The following PTPN4 variants were observed in gnomAD, a reference collection of about 807,000 sequenced individuals.
The protein encoded by PTPN4 is protein tyrosine phosphatase non-receptor type 4.
In PTPN4, 49 loss-of-function variants were observed where a neutral mutation model predicts 135.5. The ratio of observed to expected loss-of-function variants is 0.36; its 90% CI spans 0.29 to 0.46. The LOEUF (loss-of-function observed/expected upper bound fraction) is 0.46, where lower values mean the gene tolerates loss of function less well. Ranked by LOEUF, PTPN4 falls within the 20% of genes least tolerant of loss-of-function variation. The pLI is 1.00. For missense variants in PTPN4, 860 were observed against 1,101.0 expected, an observed-to-expected ratio of 0.78 and a Z score of 3.10; for synonymous variants, 333 against 369.9, an observed-to-expected ratio of 0.90 and a Z score of 1.14.
At chr2:119,943,740 C>T (rs1679095106) in intron 15 of PTPN4, among the ~76,000 whole-genome samples, 2 of 151,732 alleles carry the variant, frequency 1.3e-5, no homozygotes, top group Non-Finnish European at 2.9e-5. Flanking sequence ...GCGCCTGCCA[C>T]CATGCCTAGC....
At chr2:119,890,352 C>T (rs1678223435) in intron 9 of PTPN4, among the ~76,000 whole-genome samples, 1 of 151,166 alleles carries the variant, frequency 6.6e-6, no homozygotes, top group Non-Finnish European at 1.5e-5. Context: ...TTCTCATTTT[C>T]ATTTGTATGG....
intron 3 of PTPN4, among the ~76,000 whole-genome samples, chr2:119,864,471 G>T (rs1171041722): frequency 6.6e-6 from 1 of 152,042 alleles, no homozygotes; most frequent in Non-Finnish European, 1.5e-5. Context: ...AGAAAAAATA[G>T]ATAATTCTTA....
chr2:119,810,657 G>A (rs538494009), intron 2 of PTPN4, among the ~76,000 whole-genome samples: 2 of 152,110 alleles, frequency 1.3e-5, no homozygotes, highest in East Asian at 1.9e-4. Context: ...GAACATTCTT[G>A]TACATATCTT....
intron 26 of PTPN4, among the ~76,000 whole-genome samples, chr2:119,971,175 C>T (rs1433703982): frequency 1.3e-5 from 2 of 152,166 alleles, no homozygotes; most frequent in East Asian, 3.8e-4. Flanking sequence ...AGGAAACTTA[C>T]AATCATGGTG....
rs749721967 is a variant in PTPN4, at chr2:119,881,877, A to G, written c.413+47A>G. On this transcript the variant is annotated intron_variant, in intron 6 of 26. Coordinates refer to ENST00000263708, the MANE Select transcript of PTPN4 (RefSeq NM_002830.4). ...AAAAATTTTTTGTAATGGACTTTAA[A>G]AATACTTTTTAAATCTGTGTTAAGT... is the stretch of plus-strand genomic sequence containing the variant. The G allele has an allele frequency of 2.2e-6, 3 of 1,380,432 alleles. No individual in the cohort carries two copies. In the South Asian group the frequency reaches 3.8e-5, roughly 17 times the overall value. 85.5% of individuals were successfully genotyped at this position (1,380,432 alleles called of 1,614,324 possible). A position where few individuals can be genotyped will look rare whatever the true frequency, so the allele number is the denominator to read the frequency against.
chr2:119,902,809 G>A (rs1346789301), intron 10 of PTPN4, among the ~76,000 whole-genome samples: 1 of 152,144 alleles, frequency 6.6e-6, no homozygotes, highest in Non-Finnish European at 1.5e-5. Flanking sequence ...AGAGGCCCTT[G>A]ACCCTCATGG....
At chr2:119,897,598 A>G (rs1678343906) in intron 9 of PTPN4, among the ~76,000 whole-genome samples, 2 of 152,196 alleles carry the variant, frequency 1.3e-5, no homozygotes, top group African/African-American at 2.4e-5. Context: ...TTACCATATC[A>G]GTTATTACTA....
chr2:119,852,243 T>C lies in PTPN4; in HGVS notation c.139-10293T>C, dbSNP rs184279421. Reference sequence around the variant, plus strand: ...TTTCTTGCAGATTGCGCGTTTACCCTATTTGGGAAAAAAAATTAGGTCTAA... The same window carrying C: ...TTTCTTGCAGATTGCGCGTTTACCCCATTTGGGAAAAAAAATTAGGTCTAA... On this transcript the variant is annotated intron_variant, in intron 2 of 26. Coordinates refer to ENST00000263708, the MANE Select transcript of PTPN4 (RefSeq NM_002830.4). Among the ~76,000 whole-genome samples the C allele has an allele frequency of 2.1e-4, 32 of 152,334 alleles. No homozygotes were observed. In the East Asian group the frequency reaches 5.8e-3, roughly 28 times the overall value.
chr2:119,821,829 T>C (rs1677071959), intron 2 of PTPN4, among the ~76,000 whole-genome samples: 1 of 152,202 alleles, frequency 6.6e-6, no homozygotes, highest in South Asian at 2.1e-4. Context: ...ATAGTTTGGG[T>C]AGAGAATTTT....
rs570718002 is a variant in PTPN4 at position 119,884,542 on chromosome 2, G to T, written c.588-1253G>T. 7.0e-4 allele frequency among the ~76,000 whole-genome samples: 106 copies of T among 152,134 alleles called. 1 individual carries two copies. In the South Asian group the frequency reaches 9.8e-3, roughly 14 times the overall value. ...AATGGACTACCTAATGTGGTGAGGG[G>T]GCTATTTTAATCTAAGTAAATTCCA... is the stretch of plus-strand genomic sequence containing the variant. On this transcript the variant is annotated intron_variant, in intron 8 of 26. Transcript: ENST00000263708.
chr2:119,922,620 G>A lies in PTPN4; in HGVS notation c.1001+2379G>A, dbSNP rs1678754290. Among the ~76,000 whole-genome samples, 4 of 152,062 alleles carry A rather than the reference G, an allele frequency of 2.6e-5. 1 individual carries two copies. In the South Asian group the frequency reaches 6.2e-4, roughly 24 times the overall value. On this transcript the variant is annotated intron_variant, in intron 12 of 26. Coordinates refer to ENST00000263708, the MANE Select transcript of PTPN4 (RefSeq NM_002830.4). ...GATTTTTGCATATGTGTTTATGAGG[G>A]ATATATCTCTGTAGTTTTCTTTCGT...
chr2:119,776,433 C>T (rs1690838044), intron 1 of PTPN4, among the ~76,000 whole-genome samples: 1 of 152,194 alleles, frequency 6.6e-6, no homozygotes. Flanking sequence ...CTCGGCCTCC[C>T]AAAGTGCTGG....
intron 2 of PTPN4, among the ~76,000 whole-genome samples, chr2:119,821,712 G>A (rs1251868729): frequency 6.6e-6 from 1 of 152,176 alleles, no homozygotes; most frequent in Non-Finnish European, 1.5e-5. Flanking sequence ...ATCACTGTGA[G>A]ATGACTTTCA....
chr2:119,870,217 C>CA (rs1553456770), intron 3 of PTPN4, among the ~76,000 whole-genome samples: 1 of 151,848 alleles, frequency 6.6e-6, no homozygotes, highest in Non-Finnish European at 1.5e-5. Flanking sequence ...AGACATACAC[C>CA]AAAAAATAGC....
chr2:119,894,251 A>T (rs1482104313), intron 9 of PTPN4, among the ~76,000 whole-genome samples: 2 of 152,222 alleles, frequency 1.3e-5, no homozygotes, highest in Non-Finnish European at 1.5e-5. Flanking sequence ...ATAATGAAAC[A>T]ATTTACAAAT....
At chr2:119,883,711 T>C (rs1558754245) in intron 8 of PTPN4, among the ~76,000 whole-genome samples, 1 of 152,190 alleles carries the variant, frequency 6.6e-6, no homozygotes, top group Admixed American at 6.5e-5. Flanking sequence ...TCTTCTCTGT[T>C]TCCTTACGTA....
chr2:119,866,861 C>CAAA (rs1272936528), intron 3 of PTPN4, among the ~76,000 whole-genome samples: 1 of 151,958 alleles, frequency 6.6e-6, no homozygotes, highest in Non-Finnish European at 1.5e-5. Flanking sequence ...CATATGTTTC[C>CAAA]ACTGTAATAT....
intron 2 of PTPN4, among the ~76,000 whole-genome samples, chr2:119,851,401 A>C (rs899872007): frequency 1.3e-5 from 2 of 152,178 alleles, no homozygotes; most frequent in Non-Finnish European, 2.9e-5. Context: ...GTGCACTTGG[A>C]AGAGACCCAA....
At chr2:119,956,206 C>T (rs1679278814) in intron 20 of PTPN4, among the ~76,000 whole-genome samples, 1 of 148,416 alleles carries the variant, frequency 6.7e-6, no homozygotes, top group South Asian at 2.2e-4. Flanking sequence ...CAGACTATAT[C>T]AACCTAATTT....
Sources: allele counts gnomAD v4.1 joint callset (sites outside exome capture counted in the v4.1 genomes callset), GRCh38; gene constraint gnomAD v4.1.1; transcripts MANE v1.5; gene names NCBI Gene and HGNC (gene_info 2026-07-23, HGNC 2026-07-21).